The following SEMA6A variants were observed in gnomAD, a reference collection of about 807,000 sequenced individuals.
SEMA6A encodes the protein semaphorin-6A.
In SEMA6A, 25 loss-of-function variants were observed where a neutral mutation model predicts 96.8. The observed-to-expected ratio is 0.26, with a 90% CI of 0.19 to 0.36. The LOEUF (loss-of-function observed/expected upper bound fraction) is 0.36. SEMA6A is among the 10% of genes least tolerant of loss of function. The pLI, the probability that SEMA6A is intolerant of heterozygous loss-of-function variation, is 1.00. For missense variants in SEMA6A, 1,363 were observed against 1,323.1 expected, an observed-to-expected ratio of 1.03 and a Z score of -0.47; for synonymous variants, 612 against 518.0, an observed-to-expected ratio of 1.18 and a Z score of -2.46.
At chr5:116,494,937 G>A (rs541048809) in intron 6 of SEMA6A, among the ~76,000 whole-genome samples, 2 of 123,756 alleles carry the variant, frequency 1.6e-5, no homozygotes, top group Non-Finnish European at 3.7e-5. Context: ...AGTAAGCAAG[G>A]CCGTGGTCAA....
intron 17 of SEMA6A, among the ~76,000 whole-genome samples, chr5:116,469,952 C>T (rs1225496142): frequency 6.6e-6 from 1 of 152,074 alleles, no homozygotes; most frequent in African/African-American, 2.4e-5. Context: ...CACCACATCT[C>T]GATTTTCTAT....
At chr5:116,511,790 G>A (rs147286083) in intron 1 of SEMA6A, among the ~76,000 whole-genome samples, 5 of 152,312 alleles carry the variant, frequency 3.3e-5, no homozygotes, top group African/African-American at 1.2e-4. Flanking sequence ...ACACCACTGT[G>A]TTAAGTGGAG....
chr5:116,536,051 A>C (rs6867701), intron 1 of SEMA6A, among the ~76,000 whole-genome samples: 4,735 of 152,330 alleles, frequency 0.031, 110 homozygotes, highest in African/African-American at 0.059. Flanking sequence ...GTTCTTTCTA[A>C]CTACAAGTAA....
At position 116,447,079 on chromosome 5, in the gene SEMA6A, C is replaced by T. The variant is rs779409628; in HGVS notation, c.2627G>A (p.Ser876Asn). Residue 876 changes from serine to asparagine, a missense_variant, in exon 19 of 19, where the codon AGC becomes AAC. Physicochemically the swap from Ser to Asn is conservative, Grantham distance 46. Coordinates refer to ENST00000343348, the MANE Select transcript of SEMA6A (RefSeq NM_020796.5). Reference protein sequence around the residue: ...HGVNLVENLDSLPPKVPQREA... With the variant: ...HGVNLVENLDNLPPKVPQREA... Reference sequence around the variant, plus strand: ...CCGCTGTGGAACTTTGGGGGGCAGGCTGTCCAGGTTCTCCACAAGGTTCAC... The same window carrying T: ...CCGCTGTGGAACTTTGGGGGGCAGGTTGTCCAGGTTCTCCACAAGGTTCAC... 1.9e-6 allele frequency: 3 copies of T among 1,613,948 alleles called. No homozygotes were observed. The highest frequency in any genetic ancestry group is 2.5e-6 in the Non-Finnish European group (3 of 1,179,858).
chr5:116,499,922 G>C (rs1757792640), intron 3 of SEMA6A, among the ~76,000 whole-genome samples: 1 of 152,138 alleles, frequency 6.6e-6, no homozygotes, highest in African/African-American at 2.4e-5. Context: ...TCGAGTACAA[G>C]GGCAGTCTGT....
chr5:116,495,936 T>C (rs943925854), intron 5 of SEMA6A: 7 of 354,420 alleles, frequency 2.0e-5, no homozygotes, highest in African/African-American at 1.3e-4. Context: ...ACAGACTCCC[T>C]GTGGGCCTTG....
Position 116,574,482 on chromosome 5 carries a change from A to T in SEMA6A, c.-336T>A, listed in dbSNP as rs1166949631. The T allele has an allele frequency of 6.6e-6, 1 of 151,492 alleles. No homozygotes were observed. Among genetic ancestry groups the T allele is most frequent in the Non-Finnish European group, 1.5e-5 (1 of 67,994 alleles). The allele number at this position is 151,492 out of a possible 1,614,324, so 9.4% of individuals were successfully genotyped here. Reference sequence around the variant, plus strand: ...AAGAAAAAGAAAACCAACAAGGAAGAGGGTAAATGTTCAAGAAACTCTTCT... The same window carrying T: ...AAGAAAAAGAAAACCAACAAGGAAGTGGGTAAATGTTCAAGAAACTCTTCT... On this transcript the variant is annotated 5_prime_UTR_variant, in exon 1 of 19. Coordinates refer to ENST00000343348, the MANE Select transcript of SEMA6A (RefSeq NM_020796.5).
intron 4 of SEMA6A, among the ~76,000 whole-genome samples, chr5:116,496,531 GTCT>G (rs1170725443): frequency 2.0e-5 from 3 of 152,074 alleles, no homozygotes; most frequent in African/African-American, 7.2e-5. Flanking sequence ...CCACAAAATG[GTCT>G]TCTTCTGTTT....
chr5:116,483,386 C>A (rs145456670), intron 10 of SEMA6A, among the ~76,000 whole-genome samples: 1 of 152,232 alleles, frequency 6.6e-6, no homozygotes, highest in East Asian at 1.9e-4. Context: ...AAATAAATTA[C>A]AGGCACCAGC....
chr5:116,487,383 C>G (rs1757110610), intron 9 of SEMA6A, among the ~76,000 whole-genome samples: 2 of 152,304 alleles, frequency 1.3e-5, no homozygotes, highest in South Asian at 4.1e-4. Context: ...GGACCTTGAT[C>G]TACTCTCTGG....
At chr5:116,565,239 T>C (rs1022003833) in intron 1 of SEMA6A, among the ~76,000 whole-genome samples, 3 of 152,208 alleles carry the variant, frequency 2.0e-5, no homozygotes, top group African/African-American at 7.2e-5. Context: ...TCTCAGAAGT[T>C]GCCTCTTTTA....
chr5:116,519,704 C>T (rs919183903), intron 1 of SEMA6A, among the ~76,000 whole-genome samples: 2 of 151,920 alleles, frequency 1.3e-5, no homozygotes, highest in African/African-American at 4.8e-5. Flanking sequence ...CACACACATA[C>T]ATTATACATA....
chr5:116,555,229 T>C (rs1760563314), intron 1 of SEMA6A, among the ~76,000 whole-genome samples: 2 of 152,216 alleles, frequency 1.3e-5, no homozygotes, highest in Non-Finnish European at 2.9e-5. Flanking sequence ...AAGCCAAAAT[T>C]AACTCTTGTT....
At chr5:116,548,979 G>C (rs946771697) in intron 1 of SEMA6A, among the ~76,000 whole-genome samples, 1 of 152,144 alleles carries the variant, frequency 6.6e-6, no homozygotes, top group African/African-American at 2.4e-5. Context: ...TGATTTAAAG[G>C]TTCTCAGTGC....
chr5:116,542,752 C>G (rs555394160), intron 1 of SEMA6A, among the ~76,000 whole-genome samples: 76 of 152,308 alleles, frequency 5.0e-4, no homozygotes, highest in Non-Finnish European at 8.8e-4. Flanking sequence ...CTGCATCACA[C>G]TTAGAGAAAC....
chr5:116,564,850 C>T (rs1760965465), intron 1 of SEMA6A, among the ~76,000 whole-genome samples: 1 of 152,216 alleles, frequency 6.6e-6, no homozygotes, highest in Non-Finnish European at 1.5e-5. Flanking sequence ...TCTCTAGCTC[C>T]TTAGCAATGA....
rs201866809 is a variant in SEMA6A, at chr5:116,478,625, C to G, written c.1344G>C (p.Leu448Phe). The change falls in exon 13 of 19, where the codon TTG (leucine) becomes TTC (phenylalanine). Residue 448 changes from leucine to phenylalanine, a missense_variant. Transcript: ENST00000343348. ...VFLGSEKGIILKFLARIGNSG... is the reference protein window; with the variant it reads ...VFLGSEKGIIFKFLARIGNSG... The stretch of plus-strand genomic sequence containing the variant: ...TATTTCCTATTCTGGCCAAAAACTT[C>G]AAGATGATTCCCTTCTCTGATCCCA... 3 of 1,613,650 alleles carry G rather than the reference C, an allele frequency of 1.9e-6. No homozygotes were observed. The highest frequency in any genetic ancestry group is 1.3e-5 in the African/African-American group (1 of 75,036).
intron 1 of SEMA6A, among the ~76,000 whole-genome samples, chr5:116,511,929 G>T (rs1561508237): frequency 6.6e-6 from 1 of 152,134 alleles, no homozygotes. Context: ...AAACAGATGT[G>T]GACATATCTC....
intron 1 of SEMA6A, chr5:116,562,833 C>T (rs1015555075): frequency 4.3e-6 from 3 of 693,804 alleles, no homozygotes; most frequent in East Asian, 2.9e-5. Flanking sequence ...GGTATTACTG[C>T]CTTACACATC....
Sources: allele counts gnomAD v4.1 joint callset (sites outside exome capture counted in the v4.1 genomes callset), GRCh38; gene constraint gnomAD v4.1.1; transcripts MANE v1.5; gene names NCBI Gene and HGNC (gene_info 2026-07-23, HGNC 2026-07-21).